EXD3: variants seen among roughly 807,000 people sequenced by gnomAD.
EXD3 encodes the protein exonuclease 3'-5' domain containing 3, also known as exonuclease mut-7 homolog.
In EXD3, 92 loss-of-function variants were observed where a neutral mutation model predicts 98.0. The observed-to-expected ratio is 0.94, with a 90% CI of 0.79 to 1.12. EXD3 has a LOEUF of 1.12. EXD3 is among the 50% of genes most tolerant of loss of function. EXD3 has a pLI of 0.00. For missense variants in EXD3, 1,222 were observed against 1,191.6 expected, an observed-to-expected ratio of 1.03 and a Z score of -0.38; for synonymous variants, 569 against 526.0, an observed-to-expected ratio of 1.08 and a Z score of -1.12.
Position 137,393,707 on chromosome 9 carries a change from G to A in EXD3, c.55+1596C>T, listed in dbSNP as rs1345094804. ...ACTGAGGCAGAGAGCCTCAGCTGCTGCCATGTGGGAGCAGGGCTTTCACAG... is the reference window on the plus strand; with the variant it reads ...ACTGAGGCAGAGAGCCTCAGCTGCTACCATGTGGGAGCAGGGCTTTCACAG... On this transcript the variant is annotated intron_variant, in intron 2 of 21. Coordinates refer to ENST00000340951, the MANE Select transcript of EXD3 (RefSeq NM_017820.5). The surrounding 1 kb of genome is among the most constrained non-coding windows in gnomAD (Gnocchi z 4.6). 1.3e-5 allele frequency among the ~76,000 whole-genome samples: 2 copies of A among 152,202 alleles called. No homozygotes were observed. Among genetic ancestry groups the A allele is most frequent in the Non-Finnish European group, 2.9e-5 (2 of 68,008 alleles).
In EXD3 at chr9:137,356,327, C is replaced by T; in HGVS notation, c.698G>A (p.Ser233Asn). The T allele has an allele frequency of 1.2e-6, 2 of 1,604,916 alleles. No homozygotes were observed. The highest frequency in any genetic ancestry group is 1.7e-6 in the Non-Finnish European group (2 of 1,176,214). The change falls in exon 8 of 22, where the codon AGT becomes AAT. Residue 233 changes from serine to asparagine, a missense_variant. Ser to Asn is a conservative substitution (Grantham distance 46). Transcript: ENST00000340951. Reference sequence around the variant, plus strand: ...GACCTGCCTGCTCAGCGCCTTCGGACTCAGCTTCTCCAGGCTCAAGGAGGT... The same window carrying T: ...GACCTGCCTGCTCAGCGCCTTCGGATTCAGCTTCTCCAGGCTCAAGGAGGT... The part of the protein sequence containing the change: ...EVTSLSLEKL[S>N]PKALSRQVLR...
intron 6 of EXD3, 38 bp downstream of exon 6, chr9:137,367,898 G>C: frequency 2.5e-6 from 4 of 1,601,108 alleles, no homozygotes; most frequent in Non-Finnish European, 3.4e-6. Context: ...CGTTATCCAA[G>C]TTTGAACCTA....
chr9:137,351,014 G>C, intron 14 of EXD3, 24 bp downstream of exon 14: 1 of 1,545,916 alleles, frequency 6.5e-7, no homozygotes, highest in Non-Finnish European at 8.7e-7. Context: ...CCGGCATCTT[G>C]TGAGCGGCTC....
chr9:137,410,484 CAAAA>C (rs34834761), intron 1 of EXD3, among the ~76,000 whole-genome samples: 5 of 72,338 alleles, frequency 6.9e-5, no homozygotes, highest in Non-Finnish European at 2.8e-5. Flanking sequence ...AACTCTGTCT[CAAAA>C]AAAAAAAAAA....
At position 137,405,822 on chromosome 9, in the gene EXD3, C is replaced by A. The variant is rs1837687501; in HGVS notation, c.-47-10418G>T. ...CATGCACATGGTCTCCCCGCCCTGC[C>A]TACCATCTGCTGCCCTGGAACCCTT... On this transcript the variant is annotated intron_variant, in intron 1 of 21. Coordinates refer to ENST00000340951, the MANE Select transcript of EXD3 (RefSeq NM_017820.5). This position sits in a 1 kb window ranked among gnomAD's most constrained non-coding sequence, Gnocchi z 4.1. Among the ~76,000 whole-genome samples, 1 of 152,262 alleles carries A rather than the reference C, an allele frequency of 6.6e-6. No homozygotes were observed. The highest frequency in any genetic ancestry group is 2.1e-4 in the South Asian group (1 of 4,838).
intron 19 of EXD3, among the ~76,000 whole-genome samples, chr9:137,317,231 T>G (rs1831727251): frequency 6.6e-6 from 1 of 152,010 alleles, no homozygotes; most frequent in African/African-American, 2.4e-5. Flanking sequence ...GCCTCTCCTG[T>G]TGGATGGGCA....
intron 17 of EXD3, among the ~76,000 whole-genome samples, chr9:137,335,090 AAAAC>A (rs1407417830): frequency 2.6e-5 from 4 of 151,954 alleles, no homozygotes; most frequent in East Asian, 1.9e-4. Flanking sequence ...AGGAAAAAAA[AAAAC>A]AAACAAAATA....
rs1834174579 is a variant in EXD3, at chr9:137,349,977, T to G, written c.1495-446A>C. Among the ~76,000 whole-genome samples the G allele has an allele frequency of 1.5e-5, 2 of 132,818 alleles. No individual in the cohort carries two copies. The highest frequency in any genetic ancestry group is 5.8e-5 in the African/African-American group (2 of 34,260). The allele number at this position is 132,818 out of a possible 152,430, so 87.1% of individuals were successfully genotyped here. A position where few individuals can be genotyped will look rare whatever the true frequency, so the allele number is the denominator to read the frequency against. On this transcript the variant is annotated intron_variant, in intron 14 of 21. Transcript: ENST00000340951. The surrounding 1 kb of genome is among the most constrained non-coding windows in gnomAD (Gnocchi z 7.4). Reference sequence around the variant, plus strand: ...GGGCGCTCCACGTGTGTGTCTGGGGTGGCGTGTGTGCCCAGAGAGGGGTGG... The same window carrying G: ...GGGCGCTCCACGTGTGTGTCTGGGGGGGCGTGTGTGCCCAGAGAGGGGTGG...
At chr9:137,332,317 C>T (rs1409632934) in intron 17 of EXD3, among the ~76,000 whole-genome samples, 2 of 152,204 alleles carry the variant, frequency 1.3e-5, no homozygotes, top group Non-Finnish European at 2.9e-5. Flanking sequence ...AGGCCGGGCG[C>T]AGTGGCTCAC....
intron 17 of EXD3, among the ~76,000 whole-genome samples, chr9:137,332,886 C>T (rs1335614704): frequency 1.3e-5 from 2 of 152,136 alleles, no homozygotes; most frequent in African/African-American, 4.8e-5. Context: ...CATTACCCAA[C>T]TTCAAATTAT....
At chr9:137,355,492 TGGAGGAA>T (rs1834624058) in intron 8 of EXD3, among the ~76,000 whole-genome samples, 1 of 30,782 alleles carries the variant, frequency 3.2e-5, no homozygotes, top group Admixed American at 3.3e-4. Context: ...GGAAGGAGGA[TGGAGGAA>T]GGAGGAAGGA....
chr9:137,423,124 G>C lies in EXD3; in HGVS notation c.-58C>G, dbSNP rs907358741. 3 of 151,530 alleles carry C rather than the reference G, an allele frequency of 2.0e-5. No homozygotes were observed. The highest frequency in any genetic ancestry group is 4.4e-5 in the Non-Finnish European group (3 of 67,914). 9.4% of individuals were successfully genotyped at this position (151,530 alleles called of 1,614,324 possible). ...CCCGGGGTCGCTCACCTGCGGGGCC[G>C]GGACCGCCCCACACCGTCCACGCCC... On this transcript the variant is annotated 5_prime_UTR_variant, in exon 1 of 22. Transcript: ENST00000340951.
At position 137,309,709 on chromosome 9, in the gene EXD3, C is replaced by G; in HGVS notation, c.2185-9G>C. On this transcript the variant is annotated splice_polypyrimidine_tract_variant and intron_variant, in intron 19 of 21. Transcript: ENST00000340951. ...TGGTCACAGTTACAGGCCTGGGGGC[C>G]AGAGGGGGTGCTGAGGCCCAGGCGG... The G allele has an allele frequency of 6.4e-7, 1 of 1,550,600 alleles. No homozygotes were observed. Among genetic ancestry groups the G allele is most frequent in the Non-Finnish European group, 8.7e-7 (1 of 1,147,038 alleles).
At chr9:137,392,843 G>A (rs1837001812) in intron 2 of EXD3, 2 of 424,918 alleles carry the variant, frequency 4.7e-6, no homozygotes, top group African/African-American at 4.2e-5. Context: ...AGGGCCATTA[G>A]TGTTCCAGGG....
chr9:137,325,136 A>G (rs999918716), intron 17 of EXD3, among the ~76,000 whole-genome samples: 3 of 152,236 alleles, frequency 2.0e-5, no homozygotes, highest in Non-Finnish European at 2.9e-5. Flanking sequence ...ACCCAATCCC[A>G]TCGCCGGGAG....
At chr9:137,376,599 AC>A (rs932268316) in intron 3 of EXD3, among the ~76,000 whole-genome samples, 1 of 150,928 alleles carries the variant, frequency 6.6e-6, no homozygotes, top group Non-Finnish European at 1.5e-5. Flanking sequence ...AGGCACAGAG[AC>A]CCCCCCACCT....
At chr9:137,325,924 T>C (rs1832375608) in intron 17 of EXD3, among the ~76,000 whole-genome samples, 2 of 151,690 alleles carry the variant, frequency 1.3e-5, no homozygotes, top group South Asian at 4.2e-4. Context: ...ACCCCATCTC[T>C]GCAATAAATA....
intron 1 of EXD3, among the ~76,000 whole-genome samples, chr9:137,396,071 G>A (rs1428761421): frequency 4.6e-5 from 7 of 151,660 alleles, no homozygotes; most frequent in African/African-American, 1.7e-4. Flanking sequence ...GGGTTCAAGC[G>A]ATTCTCCTGC....
Position 137,323,640 on chromosome 9 carries a change from C to T in EXD3, c.2184+85G>A, listed in dbSNP as rs113779137. The T allele has an allele frequency of 5.1e-5, 79 of 1,548,718 alleles. 2 individuals carry two copies. The Middle Eastern group carries it at 3.4e-3, about 67-fold the overall frequency. On this transcript the variant is annotated intron_variant, in intron 19 of 21. Coordinates refer to ENST00000340951, the MANE Select transcript of EXD3 (RefSeq NM_017820.5). ...CACCCCACCCCAGACCCACCACTGT[C>T]TAGGGTGGGGCCCACCTCCCTGGAC...
Sources: gnomAD v4.1 joint callset for allele counts (sites outside exome capture counted in the v4.1 genomes callset) on GRCh38, gnomAD v4.1.1 for gene constraint, Gnocchi (gnomAD v3.1) non-coding constraint, MANE v1.5 for transcripts, NCBI Gene and HGNC (gene_info 2026-07-23, HGNC 2026-07-21) for gene names.